Variants in DLG2 observed in about 807,000 individuals in gnomAD.
The protein encoded by DLG2 is discs large MAGUK scaffold protein 2, also known as disks large homolog 2.
In DLG2, 45 loss-of-function variants were observed where a neutral mutation model predicts 132.5. The ratio of observed to expected loss-of-function variants is 0.34; its 90% CI spans 0.27 to 0.44. DLG2 has a LOEUF of 0.44. DLG2 is among the 20% of genes least tolerant of loss of function. The pLI, the probability that DLG2 is intolerant of heterozygous loss-of-function variation, is 1.00. For synonymous variants in DLG2, 424 were observed against 419.6 expected (o/e 1.01, Z -0.13); for missense variants, 1,045 against 1,196.9 (o/e 0.87, Z 1.87).
intron 6 of DLG2, among the ~76,000 whole-genome samples, chr11:84,765,097 T>C (rs2068218614): frequency 6.6e-6 from 1 of 152,116 alleles, no homozygotes; most frequent in Non-Finnish European, 1.5e-5. Context: ...TTAGTATAAA[T>C]TTAAACTGGA....
intron 21 of DLG2, chr11:83,486,135 A>G (rs757800445): frequency 2.1e-4 from 127 of 610,860 alleles, no homozygotes; most frequent in Non-Finnish European, 2.4e-4. Context: ...CAAGGTTGAG[A>G]ACTGCCCCCA....
chr11:84,087,923 G>A (rs1421854240), intron 10 of DLG2, among the ~76,000 whole-genome samples: 1 of 152,200 alleles, frequency 6.6e-6, no homozygotes, highest in Non-Finnish European at 1.5e-5. Context: ...TTGTAGTAAT[G>A]TGTTACAGCA....
chr11:85,402,760 A>G (rs1424908780), intron 3 of DLG2, among the ~76,000 whole-genome samples: 3 of 152,240 alleles, frequency 2.0e-5, no homozygotes, highest in Non-Finnish European at 4.4e-5. Context: ...ACCACTGGTC[A>G]TTAGAGAAAT....
At position 84,262,585 on chromosome 11, in the gene DLG2, A is replaced by G. The variant is rs531714139; in HGVS notation, c.520-11294T>C. Among the ~76,000 whole-genome samples the G allele has an allele frequency of 3.9e-5, 6 of 152,152 alleles. No individual in the cohort carries two copies. The East Asian group carries it at 1.2e-3, about 29-fold the overall frequency. ...CAGGTGGTATTTGGTTACACAAGTAAGTTCTTTAGTGGTGATTTGTGAGAT... is the reference window on the plus strand; with the variant it reads ...CAGGTGGTATTTGGTTACACAAGTAGGTTCTTTAGTGGTGATTTGTGAGAT... On this transcript the variant is annotated intron_variant, in intron 7 of 27. Transcript: ENST00000376104.
At chr11:84,973,928 G>C (rs1242726571) in intron 6 of DLG2, among the ~76,000 whole-genome samples, 1 of 152,110 alleles carries the variant, frequency 6.6e-6, no homozygotes, top group African/African-American at 2.4e-5. Flanking sequence ...AACCATAAAA[G>C]CCATTCTTAG....
intron 6 of DLG2, among the ~76,000 whole-genome samples, chr11:85,066,544 C>T (rs867274590): frequency 6.6e-6 from 1 of 151,662 alleles, no homozygotes; most frequent in African/African-American, 2.4e-5. Context: ...AAATTCTCAA[C>T]AAAATACTAG....
At chr11:84,841,999 A>C (rs958924762) in intron 6 of DLG2, among the ~76,000 whole-genome samples, 2 of 151,966 alleles carry the variant, frequency 1.3e-5, no homozygotes, top group Non-Finnish European at 1.5e-5. Flanking sequence ...AGATTCCTAG[A>C]TCTATGGGCC....
intron 7 of DLG2, among the ~76,000 whole-genome samples, chr11:84,530,152 G>C (rs984144721): frequency 2.0e-5 from 3 of 152,142 alleles, no homozygotes; most frequent in African/African-American, 7.2e-5. Context: ...ACTCAAGATG[G>C]ATTAAAGACT....
chr11:84,816,200 A>C (rs181155588), intron 6 of DLG2, among the ~76,000 whole-genome samples: 3 of 151,988 alleles, frequency 2.0e-5, no homozygotes, highest in Non-Finnish European at 4.4e-5. Flanking sequence ...TTGATTCAAT[A>C]GTAGGATGAG....
At chr11:85,520,980 TA>T (rs2074263646) in intron 3 of DLG2, among the ~76,000 whole-genome samples, 1 of 152,102 alleles carries the variant, frequency 6.6e-6, no homozygotes, top group Non-Finnish European at 1.5e-5. Flanking sequence ...TAGTACCCTA[TA>T]AGGACAGACA....
chr11:84,093,755 C>A lies in DLG2; in HGVS notation c.749+5168G>T, dbSNP rs574601172. On this transcript the variant is annotated intron_variant, in intron 10 of 27. Transcript: ENST00000376104. ...TCAGCCTCCTGAGTAGCTGGGATTA[C>A]AGGCGCCCACCACAACACCCCGCTA... Among the ~76,000 whole-genome samples the A allele has an allele frequency of 1.1e-4, 16 of 151,954 alleles. 1 individual carries two copies. The highest frequency in any genetic ancestry group is 2.1e-4 in the Non-Finnish European group (14 of 67,986).
chr11:85,131,428 C>G (rs1013740620), intron 5 of DLG2, among the ~76,000 whole-genome samples: 1 of 151,980 alleles, frequency 6.6e-6, no homozygotes, highest in Non-Finnish European at 1.5e-5. Context: ...AGGGTAACAC[C>G]TCAGGAAGAG....
At chr11:85,450,560 A>C (rs759586567) in intron 3 of DLG2, among the ~76,000 whole-genome samples, 1 of 152,048 alleles carries the variant, frequency 6.6e-6, no homozygotes, top group African/African-American at 2.4e-5. Flanking sequence ...GAATTTTAAA[A>C]TATTGTTGCT....
chr11:85,482,882 T>G lies in DLG2; in HGVS notation c.40+115775A>C, dbSNP rs2093332372. Among the ~76,000 whole-genome samples the G allele has an allele frequency of 2.0e-5, 3 of 152,122 alleles. No individual in the cohort carries two copies. In the South Asian group the frequency reaches 6.2e-4, roughly 32 times the overall value. On this transcript the variant is annotated intron_variant, in intron 3 of 27. Transcript: ENST00000376104. ...AGACTAAGGCTCCAAGACCACCCCT[T>G]CTGACCCAGGTTCCATGATAGCCTT...
chr11:84,749,474 T>C, intron 6 of DLG2, among the ~76,000 whole-genome samples: 1 of 152,146 alleles, frequency 6.6e-6, no homozygotes, highest in Middle Eastern at 3.2e-3. Context: ...TGTATATATG[T>C]TTAGGTATAT....
chr11:83,904,078 T>G (rs12276898), intron 15 of DLG2, among the ~76,000 whole-genome samples: 14,648 of 152,184 alleles, frequency 0.096, 841 homozygotes, highest in Middle Eastern at 0.2. Context: ...GGTTATTTGA[T>G]CACAAGCACT....
intron 3 of DLG2, among the ~76,000 whole-genome samples, chr11:85,351,154 T>G (rs192515351): frequency 4.2e-4 from 64 of 152,330 alleles, no homozygotes; most frequent in African/African-American, 1.5e-3. Context: ...CCTAAGTATT[T>G]TATTCTATTT....
intron 3 of DLG2, among the ~76,000 whole-genome samples, chr11:85,422,216 A>G (rs1378657383): frequency 6.6e-6 from 1 of 152,160 alleles, no homozygotes; most frequent in Non-Finnish European, 1.5e-5. Flanking sequence ...GCTTACCTGT[A>G]TTTGGATGTC....
chr11:83,791,141 G>A (rs2041439294), intron 17 of DLG2: 5 of 651,300 alleles, frequency 7.7e-6, no homozygotes, highest in Non-Finnish European at 1.4e-5. Context: ...CGTCTCCTCA[G>A]AGTTTGTGGG....
Sources: allele counts gnomAD v4.1 joint callset (sites outside exome capture counted in the v4.1 genomes callset), GRCh38; gene constraint gnomAD v4.1.1; transcripts MANE v1.5; gene names NCBI Gene and HGNC (gene_info 2026-07-23, HGNC 2026-07-21).